The following HERC1 variants were observed in gnomAD, a reference collection of about 807,000 sequenced individuals.
HERC1 encodes probable E3 ubiquitin-protein ligase HERC1.
Under a neutral mutation model 554.3 loss-of-function variants are expected in HERC1, and 160 were observed. The ratio of observed to expected loss-of-function variants is 0.29; its 90% CI spans 0.25 to 0.33. HERC1 has a LOEUF of 0.33. Ranked by LOEUF, HERC1 falls within the 10% of genes least tolerant of loss-of-function variation. The probability of loss-of-function intolerance (pLI) is 1.00; values close to 1 mark genes in which losing one functional copy is unlikely to be tolerated. For synonymous variants in HERC1, 2,175 were observed against 2,131.7 expected, an observed-to-expected ratio of 1.02 and a Z score of -0.56; for missense variants, 4,919 against 5,918.5, an observed-to-expected ratio of 0.83 and a Z score of 5.54.
intron 37 of HERC1, among the ~76,000 whole-genome samples, chr15:63,675,900 C>T (rs1389286228): frequency 2.8e-5 from 4 of 142,948 alleles, no homozygotes; most frequent in Non-Finnish European, 6.2e-5. Flanking sequence ...ATACTGTATA[C>T]ATCTTTTTTT....
At position 63,680,873 on chromosome 15, in the gene HERC1, C is replaced by A; in HGVS notation, c.6226-97G>T. 1 of 748,150 alleles carries A rather than the reference C, an allele frequency of 1.3e-6. No individual in the cohort carries two copies. Among genetic ancestry groups the A allele is most frequent in the Non-Finnish European group, 2.2e-6 (1 of 455,674 alleles). 46.3% of individuals were successfully genotyped at this position (748,150 alleles called of 1,614,324 possible). A position where few individuals can be genotyped will look rare whatever the true frequency, so the allele number is the denominator to read the frequency against. On this transcript the variant is annotated intron_variant, in intron 34 of 77. Transcript: ENST00000443617. This position sits in a 1 kb window ranked among gnomAD's most constrained non-coding sequence, Gnocchi z 5.8. Reference sequence around the variant, plus strand: ...ACTGAAAATATGTTTATAAATAATACTAATGCATTTATGGAAACATGTTAT... The same window carrying A: ...ACTGAAAATATGTTTATAAATAATAATAATGCATTTATGGAAACATGTTAT...
intron 26 of HERC1, among the ~76,000 whole-genome samples, 181 bp downstream of exon 26, chr15:63,698,547 G>A (rs987564174): frequency 6.6e-6 from 1 of 151,628 alleles, no homozygotes; most frequent in African/African-American, 2.4e-5. Flanking sequence ...ATGCACTTTT[G>A]TCTAGTTCAA....
chr15:63,730,391 C>T (rs1056807708), intron 14 of HERC1, among the ~76,000 whole-genome samples: 3 of 150,918 alleles, frequency 2.0e-5, no homozygotes, highest in Admixed American at 1.3e-4. Flanking sequence ...CCCAGGAGTT[C>T]GAAGCTGTAG....
At chr15:63,725,190 A>T in intron 18 of HERC1, 102 bp downstream of exon 18, 1 of 996,450 alleles carries the variant, frequency 1.0e-6, no homozygotes, top group Middle Eastern at 3.2e-4. Flanking sequence ...TAATGTTGCA[A>T]TTGGTGCCTG....
At chr15:63,703,480 C>G (rs2072839449) in intron 25 of HERC1, among the ~76,000 whole-genome samples, 1 of 152,162 alleles carries the variant, frequency 6.6e-6, no homozygotes, top group Non-Finnish European at 1.5e-5. Flanking sequence ...CTCTCCTATT[C>G]CTCTCATCAG....
intron 59 of HERC1, among the ~76,000 whole-genome samples, chr15:63,641,856 T>A (rs992581625): frequency 2.6e-5 from 4 of 152,276 alleles, no homozygotes; most frequent in African/African-American, 9.6e-5. Flanking sequence ...ATAAAATTTG[T>A]GAACTACCTC....
chr15:63,626,286 C>A, intron 70 of HERC1, 132 bp from the exon 71 acceptor site: 1 of 816,278 alleles, frequency 1.2e-6, no homozygotes, highest in South Asian at 1.7e-5. Flanking sequence ...CTCTATCCAT[C>A]GATTCATCTT....
At position 63,749,486 on chromosome 15, in the gene HERC1, T is replaced by C. The variant is rs374144725; in HGVS notation, c.2100A>G (p.Gly700=). ...GTTTAGTAATAGGACCTGTGGAATT[T>C]CCCTGACCACATTGCCCCATTGAGT... ...GNNSMGQCGQ[G]NSTGPITKPK... Residue 700 remains glycine, a synonymous_variant, in exon 10 of 78, where the codon GGA becomes GGG. Coordinates refer to ENST00000443617, the MANE Select transcript of HERC1 (RefSeq NM_003922.4). This position sits in a 1 kb window ranked among gnomAD's most constrained non-coding sequence, Gnocchi z 4.1. 6.2e-7 allele frequency: 1 copy of C among 1,613,646 alleles called. No homozygotes were observed. The highest frequency in any genetic ancestry group is 1.3e-5 in the African/African-American group (1 of 74,938).
intron 7 of HERC1, 107 bp from the exon 8 acceptor site, chr15:63,753,192 G>A: frequency 1.4e-6 from 1 of 719,846 alleles, no homozygotes; most frequent in African/African-American, 1.8e-5. Flanking sequence ...CACTAACCTG[G>A]CAGATATGAA....
chr15:63,674,663 A>C lies in HERC1; in HGVS notation c.7525T>G (p.Ser2509Ala). 6.2e-7 allele frequency: 1 copy of C among 1,613,832 alleles called. No homozygotes were observed. The highest frequency in any genetic ancestry group is 8.5e-7 in the Non-Finnish European group (1 of 1,179,800). The change falls in exon 38 of 78, where the codon TCC (serine) becomes GCC (alanine). Residue 2509 changes from serine to alanine, a missense_variant. Transcript: ENST00000443617. The stretch of plus-strand genomic sequence containing the variant: ...TTCATAGCACCGAGGTAAAGATAGG[A>C]CAGCTGGACTGCTCTGATTTCTGAC... The part of the protein sequence containing the change: ...AQSEIRAVQL[S>A]YLYLGAMKSL...
chr15:63,721,037 G>GT (rs201263833), intron 19 of HERC1, among the ~76,000 whole-genome samples: 43 of 148,768 alleles, frequency 2.9e-4, no homozygotes, highest in Admixed American at 9.4e-4. Flanking sequence ...CTTATATCTA[G>GT]TTTTTTTTTT....
intron 60 of HERC1, among the ~76,000 whole-genome samples, chr15:63,640,972 C>T (rs1040488328): frequency 2.0e-5 from 3 of 152,172 alleles, no homozygotes; most frequent in Non-Finnish European, 4.4e-5. Context: ...ACTGTCTGGA[C>T]AAGTTCAAAC....
Position 63,666,060 on chromosome 15 carries a change from T to G in HERC1, c.8414A>C (p.Gln2805Pro). The change falls in exon 42 of 78, where the codon CAG becomes CCG. Residue 2805 changes from glutamine to proline, a missense_variant. By Grantham distance (76) the Gln-to-Pro change is moderately conservative. Transcript: ENST00000443617. Reference sequence around the variant, plus strand: ...CCTAGAGTCTGCTGTGCTGCCCGACTGGGGCTCCTCTTCATCCTCATGCCC... The same window carrying G: ...CCTAGAGTCTGCTGTGCTGCCCGACGGGGGCTCCTCTTCATCCTCATGCCC... ...HPGHEDEEEP[Q>P]SGSTADSRPG... 6.2e-7 allele frequency: 1 copy of G among 1,614,032 alleles called. No individual in the cohort carries two copies. The highest frequency in any genetic ancestry group is 1.3e-5 in the African/African-American group (1 of 75,074).
rs772618323 is a variant in HERC1 at position 63,692,503 on chromosome 15, C to A, written c.5738G>T (p.Arg1913Ile). 1 of 1,613,480 alleles carries A rather than the reference C, an allele frequency of 6.2e-7. No homozygotes were observed. Among genetic ancestry groups the A allele is most frequent in the South Asian group, 1.1e-5 (1 of 90,906 alleles). Reference sequence around the variant, plus strand: ...TTGAATTGCTTTTGAAGATACAACTCTGCGAAGAAAAACTAAAAAATCCCC... The same window carrying A: ...TTGAATTGCTTTTGAAGATACAACTATGCGAAGAAAAACTAAAAAATCCCC... ...HLGDFLVFLR[R>I]VVSSKAIQSK... Residue 1913 changes from arginine to isoleucine, a missense_variant, in exon 31 of 78, where the codon AGA (arginine) becomes ATA (isoleucine). Around this residue, in one of 11 missense-constraint regions of HERC1, gnomAD observed 1,121 missense variants for 1,244.0 expected, o/e 0.90. Transcript: ENST00000443617. The surrounding 1 kb of genome is among the most constrained non-coding windows in gnomAD (Gnocchi z 4.7).
chr15:63,764,788 AAGGC>A (rs1398334578), intron 2 of HERC1, among the ~76,000 whole-genome samples: 1 of 152,180 alleles, frequency 6.6e-6, no homozygotes, highest in Non-Finnish European at 1.5e-5. Context: ...GCACCAGGGA[AAGGC>A]AGTCTCCCAA....
intron 1 of HERC1, among the ~76,000 whole-genome samples, chr15:63,816,809 C>T (rs560272918): frequency 1.9e-4 from 29 of 152,268 alleles, no homozygotes; most frequent in African/African-American, 6.7e-4. Flanking sequence ...CCATCTAACA[C>T]ATGAATGAAG....
At chr15:63,627,581 G>A (rs956134797) in intron 70 of HERC1, among the ~76,000 whole-genome samples, 3 of 152,086 alleles carry the variant, frequency 2.0e-5, no homozygotes, top group Admixed American at 6.6e-5. Context: ...GGCTGAGGCA[G>A]GAGAATCGCT....
chr15:63,669,775 G>T, intron 39 of HERC1, 77 bp from the exon 40 acceptor site: 1 of 1,346,404 alleles, frequency 7.4e-7, no homozygotes, highest in Non-Finnish European at 1.1e-6. Context: ...TCTTATAGAA[G>T]AATATGCAAC....
chr15:63,658,025 A>G (rs1297343030), intron 48 of HERC1, among the ~76,000 whole-genome samples: 1 of 152,136 alleles, frequency 6.6e-6, no homozygotes, highest in Non-Finnish European at 1.5e-5. Flanking sequence ...AATAGCACAC[A>G]GTCTTATGGA....
Sources: allele counts gnomAD v4.1 joint callset (sites outside exome capture counted in the v4.1 genomes callset), GRCh38; gene constraint gnomAD v4.1.1; regional missense constraint gnomAD v4.1.1; non-coding constraint Gnocchi (gnomAD v3.1); transcripts MANE v1.5; gene names NCBI Gene and HGNC (gene_info 2026-07-23, HGNC 2026-07-21).